The following ECM1 variants were observed in gnomAD, a reference collection of about 807,000 sequenced individuals.
The protein encoded by ECM1 is extracellular matrix protein 1, also known as secretory component p85.
ECM1 carries 54 observed loss-of-function variants against 57.9 expected under a neutral mutation model. The ratio of observed to expected loss-of-function variants is 0.93; its 90% confidence interval spans 0.75 to 1.17. The LOEUF is 1.17. ECM1 is among the 50% of genes most tolerant of loss of function. ECM1 has a pLI of 0.00. For missense variants in ECM1, 649 were observed against 688.1 expected (o/e 0.94, Z 0.64); for synonymous variants, 237 against 259.1 (o/e 0.91, Z 0.82).
At chr1:150,510,471 C>T (rs1023427095) in intron 5 of ECM1, 1 of 572,266 alleles carries the variant, frequency 1.7e-6, no homozygotes, top group Non-Finnish European at 3.1e-6. Flanking sequence ...CTAGAGATGG[C>T]CATCCCAACA....
In ECM1 at chr1:150,513,596, G is replaced by A. The variant is rs1670503468; in HGVS notation, c.*129G>A. 3 of 930,320 alleles carry A rather than the reference G, an allele frequency of 3.2e-6. No homozygotes were observed. The highest frequency in any genetic ancestry group is 1.7e-5 in the African/African-American group (1 of 59,888). 57.6% of individuals were successfully genotyped at this position (930,320 alleles called of 1,614,324 possible). ...GTCTATCTAATGTCTCACCCGCAGTGTTTTAAGTGGATCTTGGTGCCCTGG... is the reference window on the plus strand; with the variant it reads ...GTCTATCTAATGTCTCACCCGCAGTATTTTAAGTGGATCTTGGTGCCCTGG... On this transcript the variant is annotated 3_prime_UTR_variant, in exon 10 of 10. Transcript: ENST00000369047.
At position 150,511,810 on chromosome 1, in the gene ECM1, T is replaced by C; in HGVS notation, c.1062T>C (p.Asn354=). 6.2e-7 allele frequency: 1 copy of C among 1,611,634 alleles called. No homozygotes were observed. Among genetic ancestry groups the C allele is most frequent in the Non-Finnish European group, 8.5e-7 (1 of 1,178,508 alleles). Residue 354 remains asparagine (N), a synonymous_variant, in exon 7 of 10, where the codon AAT becomes AAC. Transcript: ENST00000369047. ...AGCGCTGCTGCCGCCAGGGGAACAA[T>C]CACACCTGTACATGGAAGGCCGTAA... ...EFQRCCRQGN[N]HTCTWKAWED... is the part of the protein sequence containing the mutation.
intron 3 of ECM1, 24 bp from the exon 4 acceptor site, chr1:150,509,898 G>C (rs587639848): frequency 6.2e-7 from 1 of 1,614,074 alleles, no homozygotes; most frequent in South Asian, 1.1e-5. Flanking sequence ...AGGGTGGGCT[G>C]CTCACACATT....
At chr1:150,510,243 G>A in intron 5 of ECM1, 61 bp downstream of exon 5, 2 of 1,515,334 alleles carry the variant, frequency 1.3e-6, no homozygotes, top group Middle Eastern at 1.7e-4. Flanking sequence ...CAGAGCATGG[G>A]CTTCGGGGCA....
Position 150,511,059 on chromosome 1 carries a change from A to G in ECM1, c.569A>G (p.Tyr190Cys). Residue 190 changes from tyrosine to cysteine, a missense_variant, in exon 6 of 10, where the codon TAT (tyrosine) becomes TGT (cysteine). Physicochemically the swap from Tyr to Cys is radical, Grantham distance 194. Transcript: ENST00000369047. ...CTTCCTAACCGTCAGCATGTGGTAT[A>G]TGGTCCCTGGAACCTACCACAGTCC... ...ICLPNRQHVV[Y>C]GPWNLPQSSY... 2 of 1,614,164 alleles carry G rather than the reference A, an allele frequency of 1.2e-6. No homozygotes were observed. The highest frequency in any genetic ancestry group is 1.7e-5 in the Admixed American group (1 of 60,020).
intron 5 of ECM1, 81 bp from the exon 6 acceptor site, chr1:150,510,795 A>C: frequency 6.9e-7 from 1 of 1,443,288 alleles, no homozygotes; most frequent in Non-Finnish European, 9.8e-7. Context: ...TCCACCCCAG[A>C]TTCTTTCAAT....
intron 1 of ECM1, 30 bp downstream of exon 1, chr1:150,508,309 G>A (rs587594543): frequency 6.2e-7 from 1 of 1,605,756 alleles, no homozygotes; most frequent in African/African-American, 1.3e-5. Flanking sequence ...CTTAGGAGGG[G>A]GTCTGGGCTT....
rs115614690 is a variant in ECM1, at chr1:150,509,929, C to T, written c.231C>T (p.Pro77=). The change falls in exon 4 of 10, where the codon CCC becomes CCT. Residue 77 remains proline, a synonymous_variant. Transcript: ENST00000369047. ...ACATTCCCCCTTCTATAGTGCAGCC[C>T]CCTCCCTCTCAGGAGGCCACCCCTC... The part of the protein sequence containing the change: ...PPFEGQSQVQ[P]PPSQEATPLQ... 2,183 of 1,614,084 alleles carry T rather than the reference C, an allele frequency of 1.4e-3. 27 individuals are homozygous for T. The African/African-American group carries it at 0.026, about 20-fold the overall frequency.
rs759676873 is a variant in ECM1 at position 150,510,002 on chromosome 1, G to A, written c.304G>A (p.Val102Met). 26 of 1,613,994 alleles carry A rather than the reference G, an allele frequency of 1.6e-5. No individual in the cohort carries two copies. Among genetic ancestry groups the A allele is most frequent in the Admixed American group, 3.3e-5 (2 of 59,992 alleles). ...TGCCCAACTCCCTGCTGAAAAGGAA[G>A]GTGAGCGCTTGCCCACCCTCCCTCA... ...LPAQLPAEKE[V>M]GPPLPQEAVP... The change falls in exon 4 of 10, where the codon GTG becomes ATG. Residue 102 changes from valine to methionine, a missense_variant and splice_region_variant. Physicochemically the swap from Val to Met is conservative, Grantham distance 21 (BLOSUM62 1). Coordinates refer to ENST00000369047, the MANE Select transcript of ECM1 (RefSeq NM_004425.4).
chr1:150,509,198 G>T, intron 1 of ECM1: 1 of 436,784 alleles, frequency 2.3e-6, no homozygotes, highest in East Asian at 4.8e-5. Context: ...AGAGACTGGG[G>T]AGGACAACCC....
rs1041599025 is a variant in ECM1, at chr1:150,508,116, A to T, written c.-94A>T. On this transcript the variant is annotated 5_prime_UTR_variant, in exon 1 of 10. Coordinates refer to ENST00000369047, the MANE Select transcript of ECM1 (RefSeq NM_004425.4). ...GCTGGTCCTGAAGCTCACAACCGTA[A>T]CAGCCACCAGACAAGCTTCAGTGGC... is the stretch of plus-strand genomic sequence containing the variant. 14 of 1,179,346 alleles carry T rather than the reference A, an allele frequency of 1.2e-5. No homozygotes were observed. Among genetic ancestry groups the T allele is most frequent in the Non-Finnish European group, 1.8e-5 (14 of 787,122 alleles). The allele number at this position is 1,179,346 out of a possible 1,614,324, so 73.1% of individuals were successfully genotyped here. A position where few individuals can be genotyped will look rare whatever the true frequency, so the allele number is the denominator to read the frequency against.
Position 150,508,296 on chromosome 1 carries a change from G to GCACTC in ECM1, c.70+21_70+22insCCACT. 16 of 1,612,144 alleles carry GCACTC rather than the reference G, an allele frequency of 9.9e-6. No homozygotes were observed. Among genetic ancestry groups the GCACTC allele is most frequent in the Non-Finnish European group, 1.4e-5 (16 of 1,178,928 alleles). On this transcript the variant is annotated intron_variant, in intron 1 of 9. Coordinates refer to ENST00000369047, the MANE Select transcript of ECM1 (RefSeq NM_004425.4). Reference sequence around the variant, plus strand: ...CTGAGGGAGGTGAGTTGGGGGATCAGCACTTAGGAGGGGGTCTGGGCTTGC... The same window carrying GCACTC: ...CTGAGGGAGGTGAGTTGGGGGATCAGCACTCCACTTAGGAGGGGGTCTGGGCTTGC...
In ECM1 at chr1:150,511,528, G is replaced by C; in HGVS notation, c.780G>C (p.Thr260=). ...AGACCCGACCCCACTGGTGCTGCAC[G>C]CGGCAGGGGGAGGCTCGGTTCTCCT... ...SVKTRPHWCC[T]RQGEARFSCF... The change falls in exon 7 of 10, where the codon ACG becomes ACC. Residue 260 remains threonine, a synonymous_variant. Transcript: ENST00000369047. 6.2e-7 allele frequency: 1 copy of C among 1,613,992 alleles called. No homozygotes were observed. The highest frequency in any genetic ancestry group is 8.5e-7 in the Non-Finnish European group (1 of 1,179,974).
intron 6 of ECM1, 76 bp from the exon 7 acceptor site, chr1:150,511,381 G>T: frequency 6.2e-7 from 1 of 1,609,372 alleles, no homozygotes; most frequent in Non-Finnish European, 8.5e-7. Context: ...TTATCTGCCT[G>T]CCCAGTGTCC....
chr1:150,510,189 A>C lies in ECM1; in HGVS notation c.385+7A>C. On this transcript the variant is annotated splice_region_variant and intron_variant, in intron 5 of 9. Transcript: ENST00000369047. ...CCCAATGAACAGAAGGAAGGTAAGC[A>C]GCTCCCTCTCTTCTTTACCCACCTT... is the stretch of plus-strand genomic sequence containing the variant. The C allele has an allele frequency of 1.9e-6, 3 of 1,613,680 alleles. No individual in the cohort carries two copies. Among genetic ancestry groups the C allele is most frequent in the Non-Finnish European group, 2.5e-6 (3 of 1,179,610 alleles).
intron 1 of ECM1, 64 bp from the exon 2 acceptor site, chr1:150,509,467 A>T (rs1670373038): frequency 6.4e-7 from 1 of 1,563,762 alleles, no homozygotes; most frequent in Non-Finnish European, 8.8e-7. Context: ...CAGCCTCCCC[A>T]TCCCTTGCTG....
At chr1:150,509,177 C>T (rs587603953) in intron 1 of ECM1, 23 of 383,346 alleles carry the variant, frequency 6.0e-5, no homozygotes, top group Middle Eastern at 8.4e-4. Context: ...AAGCTAGAGA[C>T]GCATCCCAGC....
chr1:150,508,929 G>C (rs1197299091), intron 1 of ECM1, among the ~76,000 whole-genome samples: 1 of 152,124 alleles, frequency 6.6e-6, no homozygotes, highest in Non-Finnish European at 1.5e-5. Context: ...CTGGTCTTTT[G>C]TGTCTGCAGA....
intron 5 of ECM1, 49 bp downstream of exon 5, chr1:150,510,231 C>T (rs1231794968): frequency 3.2e-6 from 5 of 1,564,532 alleles, no homozygotes; most frequent in Non-Finnish European, 4.4e-6. Flanking sequence ...ATGGCCTTCC[C>T]CCAGAGCATG....
Sources: allele counts gnomAD v4.1 joint callset (sites outside exome capture counted in the v4.1 genomes callset), GRCh38; gene constraint gnomAD v4.1.1; transcripts MANE v1.5; gene names NCBI Gene and HGNC (gene_info 2026-07-23, HGNC 2026-07-21).